Variants in CNTNAP4 observed in about 807,000 individuals in gnomAD.
The protein encoded by CNTNAP4 is contactin-associated protein-like 4.
CNTNAP4 carries 98 observed loss-of-function variants against 148.4 expected under a neutral mutation model. That is an observed-to-expected ratio of 0.66 (90% CI 0.56 to 0.78). The LOEUF (loss-of-function observed/expected upper bound fraction) is 0.78. Ranked by LOEUF, CNTNAP4 falls within the 30% of genes least tolerant of loss-of-function variation. The pLI is 0.00. For synonymous variants in CNTNAP4, 730 were observed against 565.1 expected, an observed-to-expected ratio of 1.29 and a Z score of -4.14; for missense variants, 1,935 against 1,565.6, an observed-to-expected ratio of 1.24 and a Z score of -3.98.
intron 3 of CNTNAP4, among the ~76,000 whole-genome samples, chr16:76,360,196 T>C (rs1314092580): frequency 1.3e-5 from 2 of 152,228 alleles, no homozygotes; most frequent in African/African-American, 4.8e-5. Context: ...GTTCTGGGTT[T>C]GGCTGGTGAA....
intron 3 of CNTNAP4, among the ~76,000 whole-genome samples, chr16:76,360,563 G>A (rs774783921): frequency 7.9e-5 from 12 of 152,112 alleles, no homozygotes; most frequent in Admixed American, 6.5e-4. Context: ...CAATACTAAC[G>A]CCAAGTGTGT....
intron 4 of CNTNAP4, among the ~76,000 whole-genome samples, chr16:76,439,734 G>T (rs1253190258): frequency 6.6e-6 from 1 of 152,036 alleles, no homozygotes; most frequent in East Asian, 1.9e-4. Context: ...TTTCCCTGTG[G>T]TTATATATAG....
At position 76,522,041 on chromosome 16, in the gene CNTNAP4, C is replaced by A. The variant is rs1209331468; in HGVS notation, c.2539C>A (p.Pro847Thr). Residue 847 changes from proline (P) to threonine (T), a missense_variant and splice_region_variant, in exon 17 of 24, where the codon CCG becomes ACG. Coordinates refer to ENST00000611870, the MANE Select transcript of CNTNAP4 (RefSeq NM_033401.5). ...ATCTTTATGTGTAATATTTCCAGCT[C>A]CGACAGTAGTGACTTTTTCATTTGA... ...ADFIRIELRS[P>T]TVVTFSFDVG... The A allele has an allele frequency of 2.5e-6, 4 of 1,613,776 alleles. No individual in the cohort carries two copies. The highest frequency in any genetic ancestry group is 1.1e-5 in the South Asian group (1 of 91,080).
intron 2 of CNTNAP4, among the ~76,000 whole-genome samples, chr16:76,325,060 C>G (rs1289429918): frequency 6.6e-6 from 1 of 151,994 alleles, no homozygotes; most frequent in Non-Finnish European, 1.5e-5. Context: ...AAGATCCCCC[C>G]AAAAAGGAAA....
chr16:76,530,099 T>C (rs1242490049), intron 17 of CNTNAP4, among the ~76,000 whole-genome samples: 1 of 152,176 alleles, frequency 6.6e-6, no homozygotes, highest in Admixed American at 6.5e-5. Context: ...GTCCTTTTCA[T>C]ATAAATTTAT....
chr16:76,395,657 A>T (rs2144796304), intron 3 of CNTNAP4, among the ~76,000 whole-genome samples: 1 of 152,272 alleles, frequency 6.6e-6, no homozygotes, highest in Middle Eastern at 3.4e-3. Flanking sequence ...TATAAACACC[A>T]TTAGGCAGTT....
chr16:76,481,915 G>T, intron 12 of CNTNAP4, among the ~76,000 whole-genome samples: 1 of 152,090 alleles, frequency 6.6e-6, no homozygotes, highest in East Asian at 1.9e-4. Flanking sequence ...GTTGGGTGGG[G>T]AGGGGAAGAG....
At chr16:76,286,661 C>G (rs918539607) in intron 1 of CNTNAP4, among the ~76,000 whole-genome samples, 1 of 151,842 alleles carries the variant, frequency 6.6e-6, no homozygotes, top group African/African-American at 2.4e-5. Context: ...GAAGACAATG[C>G]GGTAAAGTGA....
chr16:76,534,723 C>G (rs1251602466), intron 17 of CNTNAP4, among the ~76,000 whole-genome samples: 1 of 152,074 alleles, frequency 6.6e-6, no homozygotes, highest in African/African-American at 2.4e-5. Flanking sequence ...TTTCTTGGAG[C>G]AAGCTACCGA....
chr16:76,404,861 A>G (rs1182640646), intron 3 of CNTNAP4, among the ~76,000 whole-genome samples: 4 of 152,244 alleles, frequency 2.6e-5, no homozygotes, highest in Non-Finnish European at 4.4e-5. Context: ...AATTGCTAAA[A>G]TAATATATTT....
chr16:76,404,100 C>T (rs573135994), intron 3 of CNTNAP4, among the ~76,000 whole-genome samples: 13 of 151,888 alleles, frequency 8.6e-5, no homozygotes, highest in South Asian at 4.2e-4. Context: ...GGGTACCAGG[C>T]GTAATACGTG....
intron 12 of CNTNAP4, among the ~76,000 whole-genome samples, chr16:76,488,704 T>G (rs1389574454): frequency 6.6e-6 from 1 of 152,222 alleles, no homozygotes; most frequent in East Asian, 1.9e-4. Context: ...TCTGTTTTCT[T>G]GTCTACTAAA....
At chr16:76,527,440 A>G (rs1023448194) in intron 17 of CNTNAP4, among the ~76,000 whole-genome samples, 3 of 152,148 alleles carry the variant, frequency 2.0e-5, no homozygotes, top group African/African-American at 7.2e-5. Context: ...AAGTTCAAGA[A>G]TTTAATTTGT....
intron 1 of CNTNAP4, among the ~76,000 whole-genome samples, chr16:76,311,626 G>A (rs1961122806): frequency 6.6e-6 from 1 of 152,132 alleles, no homozygotes; most frequent in African/African-American, 2.4e-5. Context: ...ACTGAGAAAA[G>A]TCAAATAAAA....
At chr16:76,545,724 C>A (rs1288815024) in intron 21 of CNTNAP4, among the ~76,000 whole-genome samples, 1 of 152,270 alleles carries the variant, frequency 6.6e-6, no homozygotes, top group South Asian at 2.1e-4. Context: ...TTGTTTATTT[C>A]TTTAATTACT....
chr16:76,526,441 C>G (rs1225537209), intron 17 of CNTNAP4, among the ~76,000 whole-genome samples: 1 of 151,966 alleles, frequency 6.6e-6, no homozygotes, highest in Non-Finnish European at 1.5e-5. Flanking sequence ...CTCTTACTAC[C>G]CAGAAGGGTA....
At chr16:76,409,543 T>G (rs1184537187) in intron 3 of CNTNAP4, among the ~76,000 whole-genome samples, 1 of 152,010 alleles carries the variant, frequency 6.6e-6, no homozygotes, top group Admixed American at 6.6e-5. Flanking sequence ...TTACACTGGC[T>G]GAAGTATAAT....
rs2081217346 is a variant in CNTNAP4 at position 76,467,509 on chromosome 16, T to C, written c.1641T>C (p.Cys547=). The C allele has an allele frequency of 1.2e-6, 2 of 1,611,642 alleles. No homozygotes were observed. The highest frequency in any genetic ancestry group is 3.3e-4 in the Middle Eastern group (2 of 6,042). Residue 547 remains cysteine (C), a synonymous_variant, in exon 10 of 24, where the codon TGT becomes TGC. Coordinates refer to ENST00000611870, the MANE Select transcript of CNTNAP4 (RefSeq NM_033401.5). ...GNFSDLQIDS[C]GISDRCLPNY... is the part of the protein sequence containing the mutation. ...TCAGTGACCTTCAGATAGACTCATG[T>C]GGCATCTCAGACAGGTAAGGGCAAT...
At chr16:76,423,354 A>G (rs911873011) in intron 3 of CNTNAP4, among the ~76,000 whole-genome samples, 1 of 152,142 alleles carries the variant, frequency 6.6e-6, no homozygotes, top group African/African-American at 2.4e-5. Context: ...CATGCATTCA[A>G]AATGCAAATT....
Sources: allele counts gnomAD v4.1 joint callset (sites outside exome capture counted in the v4.1 genomes callset), GRCh38; gene constraint gnomAD v4.1.1; transcripts MANE v1.5; gene names NCBI Gene and HGNC (gene_info 2026-07-23, HGNC 2026-07-21).